CRIM1: variants seen among roughly 807,000 people sequenced by gnomAD.
The protein encoded by CRIM1 is cysteine rich transmembrane BMP regulator 1.
Under a neutral mutation model 116.4 loss-of-function variants are expected in CRIM1, and 32 were observed. That is an observed-to-expected ratio of 0.27 (90% confidence interval 0.21 to 0.37). The LOEUF (loss-of-function observed/expected upper bound fraction) is 0.37. CRIM1 is among the 10% of genes least tolerant of loss of function. The pLI is 1.00. For missense variants in CRIM1, 1,331 were observed against 1,354.8 expected, an observed-to-expected ratio of 0.98 and a Z score of 0.28; for synonymous variants, 590 against 509.2, an observed-to-expected ratio of 1.16 and a Z score of -2.13.
At chr2:36,411,834 C>G (rs554494532) in intron 2 of CRIM1, among the ~76,000 whole-genome samples, 2 of 152,202 alleles carry the variant, frequency 1.3e-5, no homozygotes, top group South Asian at 4.2e-4. Context: ...TGGTTCGTTT[C>G]TAAGAATCGA....
intron 4 of CRIM1, among the ~76,000 whole-genome samples, chr2:36,445,940 T>C (rs1319847854): frequency 6.6e-6 from 1 of 152,210 alleles, no homozygotes; most frequent in East Asian, 1.9e-4. Flanking sequence ...GATCCTATTA[T>C]GATTATTTGA....
intron 1 of CRIM1, chr2:36,378,445 A>G (rs1357907737): frequency 2.1e-6 from 1 of 470,256 alleles, no homozygotes; most frequent in African/African-American, 2.0e-5. Flanking sequence ...CAGATGCAAC[A>G]GTAGGGAAAG....
chr2:36,528,594 C>T (rs1408834976), intron 13 of CRIM1, among the ~76,000 whole-genome samples: 1 of 152,342 alleles, frequency 6.6e-6, no homozygotes, highest in East Asian at 1.9e-4. Flanking sequence ...CATCAGGGCG[C>T]ACCCTCATAG....
intron 10 of CRIM1, among the ~76,000 whole-genome samples, chr2:36,513,064 G>A (rs1422659720): frequency 6.6e-6 from 1 of 152,116 alleles, no homozygotes; most frequent in African/African-American, 2.4e-5. Context: ...TTTGTTTTAC[G>A]ATTTTTCAAA....
intron 7 of CRIM1, among the ~76,000 whole-genome samples, chr2:36,486,075 A>C (rs1679796034): frequency 6.6e-6 from 1 of 152,222 alleles, no homozygotes; most frequent in Non-Finnish European, 1.5e-5. Context: ...TTTTTCTCTG[A>C]TCATTTAAAA....
At chr2:36,371,684 A>G (rs1293865295) in intron 1 of CRIM1, among the ~76,000 whole-genome samples, 2 of 152,132 alleles carry the variant, frequency 1.3e-5, no homozygotes, top group Non-Finnish European at 2.9e-5. Flanking sequence ...TTTAAAGATA[A>G]TTTTTATTTG....
chr2:36,449,180 A>G (rs1676491883), intron 4 of CRIM1, among the ~76,000 whole-genome samples: 1 of 152,196 alleles, frequency 6.6e-6, no homozygotes, highest in African/African-American at 2.4e-5. Flanking sequence ...CAATTTCACT[A>G]GAAATATTGA....
At chr2:36,494,852 G>A (rs535991985) in intron 7 of CRIM1, among the ~76,000 whole-genome samples, 1 of 152,188 alleles carries the variant, frequency 6.6e-6, no homozygotes, top group South Asian at 2.1e-4. Context: ...GGACATTAAG[G>A]TATTTCTTTG....
chr2:36,522,258 TGTA>T lies in CRIM1; in HGVS notation c.2374_2376del (p.Val792del). The T allele has an allele frequency of 1.2e-6, 2 of 1,614,220 alleles. No individual in the cohort carries two copies. Among genetic ancestry groups the T allele is most frequent in the Non-Finnish European group, 1.7e-6 (2 of 1,180,040 alleles). Reference sequence around the variant, plus strand: ...GCTGTTTCTCTGAGTCCTGCCCTTCTGTATCCTGTGAAAGACCTGTCTTGAGAA... The same window carrying T: ...GCTGTTTCTCTGAGTCCTGCCCTTCTTCCTGTGAAAGACCTGTCTTGAGAA... On this transcript the variant is annotated inframe_deletion, in exon 13 of 17. Coordinates refer to ENST00000280527, the MANE Select transcript of CRIM1 (RefSeq NM_016441.3).
At chr2:36,494,628 A>C (rs1206526322) in intron 7 of CRIM1, among the ~76,000 whole-genome samples, 1 of 152,158 alleles carries the variant, frequency 6.6e-6, no homozygotes, top group Non-Finnish European at 1.5e-5. Flanking sequence ...AGAAAACAAC[A>C]GGTAGAGGAG....
At chr2:36,475,842 T>A (rs1225219436) in intron 5 of CRIM1, among the ~76,000 whole-genome samples, 1 of 152,240 alleles carries the variant, frequency 6.6e-6, no homozygotes, top group East Asian at 1.9e-4. Flanking sequence ...ATGATCATGT[T>A]GCTTTTTTTC....
At chr2:36,424,271 A>T (rs1674288069) in intron 2 of CRIM1, among the ~76,000 whole-genome samples, 1 of 152,234 alleles carries the variant, frequency 6.6e-6, no homozygotes, top group Non-Finnish European at 1.5e-5. Flanking sequence ...GGGGAGGCAG[A>T]GATGAAGAGA....
At chr2:36,487,854 G>A (rs868353226) in intron 7 of CRIM1, among the ~76,000 whole-genome samples, 9 of 152,070 alleles carry the variant, frequency 5.9e-5, no homozygotes, top group African/African-American at 1.7e-4. Flanking sequence ...AGGGATTAGA[G>A]GCATGTATTT....
intron 1 of CRIM1, among the ~76,000 whole-genome samples, chr2:36,363,618 T>C (rs1005731376): frequency 2.0e-5 from 3 of 151,892 alleles, no homozygotes; most frequent in Non-Finnish European, 4.4e-5. Flanking sequence ...AGGTCTGATA[T>C]TATTTTGCAT....
intron 7 of CRIM1, among the ~76,000 whole-genome samples, chr2:36,492,000 CTA>C (rs1309162751): frequency 6.6e-6 from 1 of 151,994 alleles, no homozygotes; most frequent in Non-Finnish European, 1.5e-5. Context: ...ATACCCCACT[CTA>C]TAAAAAAAAA....
intron 4 of CRIM1, among the ~76,000 whole-genome samples, chr2:36,462,633 A>G (rs1396138783): frequency 6.6e-6 from 1 of 152,232 alleles, no homozygotes. Context: ...ATGTGGAATC[A>G]TAGAAGATTT....
At position 36,549,826 on chromosome 2, in the gene CRIM1, G is replaced by A. The variant is rs567465619; in HGVS notation, c.*1125G>A. ...CTTCAAAAAACAAAAGTATTTGTGT[G>A]CATGTGTATATAATATATATATATA... On this transcript the variant is annotated 3_prime_UTR_variant, in exon 17 of 17. Coordinates refer to ENST00000280527, the MANE Select transcript of CRIM1 (RefSeq NM_016441.3). 1 of 151,448 alleles carries A rather than the reference G, an allele frequency of 6.6e-6. No individual in the cohort carries two copies. Among genetic ancestry groups the A allele is most frequent in the Non-Finnish European group, 1.5e-5 (1 of 67,828 alleles). 9.4% of individuals were successfully genotyped at this position (151,448 alleles called of 1,614,324 possible).
chr2:36,400,580 C>T (rs1207873149), intron 2 of CRIM1, among the ~76,000 whole-genome samples: 1 of 152,124 alleles, frequency 6.6e-6, no homozygotes, highest in African/African-American at 2.4e-5. Context: ...GCAGTGAGAA[C>T]AAAGAGGATA....
intron 5 of CRIM1, among the ~76,000 whole-genome samples, chr2:36,476,249 C>T (rs1223564833): frequency 6.6e-6 from 1 of 151,846 alleles, no homozygotes; most frequent in Admixed American, 6.6e-5. Context: ...TGGCTTCTGT[C>T]GTTTGCTGTG....
Sources: allele counts gnomAD v4.1 joint callset (sites outside exome capture counted in the v4.1 genomes callset), GRCh38; gene constraint gnomAD v4.1.1; transcripts MANE v1.5; gene names NCBI Gene and HGNC (gene_info 2026-07-23, HGNC 2026-07-21).